LINGO2: variants seen among roughly 807,000 people sequenced by gnomAD.
LINGO2 encodes leucine-rich repeat and immunoglobulin-like domain-containing nogo receptor-interacting protein 2.
In LINGO2, 14 loss-of-function variants were observed where a neutral mutation model predicts 30.6. The ratio of observed to expected loss-of-function variants is 0.46; its 90% CI spans 0.30 to 0.72. The LOEUF (loss-of-function observed/expected upper bound fraction) is 0.72. Ranked by LOEUF, LINGO2 falls within the 30% of genes least tolerant of loss-of-function variation. The pLI, the probability that LINGO2 is intolerant of heterozygous loss-of-function variation, is 0.07. For missense variants in LINGO2, 729 were observed against 751.7 expected (o/e 0.97, Z 0.35); for synonymous variants, 317 against 288.5 (o/e 1.10, Z -1.00).
At chr9:28,299,216 G>C (rs1278358835) in intron 3 of LINGO2, among the ~76,000 whole-genome samples, 1 of 152,130 alleles carries the variant, frequency 6.6e-6, no homozygotes, top group Non-Finnish European at 1.5e-5. Flanking sequence ...CAATGCATTT[G>C]TTAAATGATT....
chr9:28,977,360 A>G, the LINGO2 span, among the ~76,000 whole-genome samples: 682 of 152,206 alleles, frequency 4.5e-3, 2 homozygotes, highest in Non-Finnish European at 7.1e-3. Flanking sequence ...TAGGCTTCAG[A>G]AGTTATTGCT....
At chr9:28,745,558 T>A in the LINGO2 span, among the ~76,000 whole-genome samples, 1 of 152,226 alleles carries the variant, frequency 6.6e-6, no homozygotes, top group East Asian at 1.9e-4. Flanking sequence ...AGTGGGTTTT[T>A]AAAAATTATT....
chr9:28,710,137 G>C, the LINGO2 span, among the ~76,000 whole-genome samples: 2 of 151,456 alleles, frequency 1.3e-5, no homozygotes, highest in Non-Finnish European at 2.9e-5. Context: ...ATTGGGAGCT[G>C]ATTGGGTCAA....
chr9:28,727,994 T>C, the LINGO2 span, among the ~76,000 whole-genome samples: 9 of 152,086 alleles, frequency 5.9e-5, no homozygotes, highest in Non-Finnish European at 1.2e-4. Context: ...ACAGAGAGGA[T>C]CAGTAAAGAG....
At chr9:28,270,885 C>A (rs1047403143) in intron 4 of LINGO2, among the ~76,000 whole-genome samples, 1 of 152,088 alleles carries the variant, frequency 6.6e-6, no homozygotes, top group Non-Finnish European at 1.5e-5. Context: ...ACTTGAGATT[C>A]AGAGAGACTA....
At chr9:29,207,246 T>C in the LINGO2 span, among the ~76,000 whole-genome samples, 1 of 152,062 alleles carries the variant, frequency 6.6e-6, no homozygotes, top group African/African-American at 2.4e-5. Context: ...AAAGGCACTT[T>C]CCTTTTGAAA....
chr9:28,990,268 A>T, the LINGO2 span, among the ~76,000 whole-genome samples: 1 of 152,196 alleles, frequency 6.6e-6, no homozygotes, highest in South Asian at 2.1e-4. Flanking sequence ...CAGCAGTCTG[A>T]GATCAAACTG....
intron 4 of LINGO2, among the ~76,000 whole-genome samples, chr9:28,044,489 C>T (rs567252639): frequency 6.6e-6 from 1 of 152,236 alleles, no homozygotes; most frequent in East Asian, 1.9e-4. Context: ...AACCTGAAAG[C>T]CAGGTTTCTG....
At chr9:28,522,808 A>G (rs919940431) in intron 1 of LINGO2, among the ~76,000 whole-genome samples, 2 of 152,066 alleles carry the variant, frequency 1.3e-5, no homozygotes, top group Non-Finnish European at 2.9e-5. Flanking sequence ...CATAGAACCT[A>G]TGAAGGAAAA....
At chr9:28,022,111 T>G (rs192837617) in intron 4 of LINGO2, among the ~76,000 whole-genome samples, 42 of 152,194 alleles carry the variant, frequency 2.8e-4, no homozygotes, top group Admixed American at 8.5e-4. Flanking sequence ...TTTTGGAATA[T>G]CAGTTATACC....
chr9:29,109,467 C>T, the LINGO2 span, among the ~76,000 whole-genome samples: 1 of 152,024 alleles, frequency 6.6e-6, no homozygotes, highest in Admixed American at 6.6e-5. Context: ...TAGATCCATG[C>T]AATTTGGGGA....
At position 28,532,437 on chromosome 9, in the gene LINGO2, C is replaced by T. The variant is rs919369685; in HGVS notation, c.-364-56412G>A. On this transcript the variant is annotated intron_variant, in intron 1 of 5. Coordinates refer to ENST00000379992, the Ensembl canonical transcript of LINGO2. ...TGTCCTCAGATTTTTCTTTCTAAAC[C>T]GACTTTTTTTTTTCCAGAAAAAGAA... 1.3e-4 allele frequency among the ~76,000 whole-genome samples: 19 copies of T among 151,622 alleles called. 1 individual carries two copies. The highest frequency in any genetic ancestry group is 3.9e-4 in the African/African-American group (16 of 41,222).
At chr9:28,809,320 T>C in the LINGO2 span, among the ~76,000 whole-genome samples, 56 of 152,194 alleles carry the variant, frequency 3.7e-4, no homozygotes, top group African/African-American at 1.3e-3. Flanking sequence ...ACTTTCTATT[T>C]CTACAAATCA....
intron 4 of LINGO2, among the ~76,000 whole-genome samples, chr9:28,185,208 A>G (rs533221746): frequency 6.6e-6 from 1 of 152,310 alleles, no homozygotes; most frequent in East Asian, 1.9e-4. Flanking sequence ...ACAGTCAATC[A>G]CAGTTCACCA....
rs141556927 is a variant in LINGO2, at chr9:28,357,239, T to C, written c.-246+15597A>G. Among the ~76,000 whole-genome samples the C allele has an allele frequency of 1.5e-3, 233 of 151,536 alleles. 1 individual carries two copies. The highest frequency in any genetic ancestry group is 5.4e-3 in the African/African-American group (222 of 41,344). Reference sequence around the variant, plus strand: ...TTCTATAGGCTTAAAATTAACCATCTGCCAAATGGAAACAGTTGGAAAATA... The same window carrying C: ...TTCTATAGGCTTAAAATTAACCATCCGCCAAATGGAAACAGTTGGAAAATA... On this transcript the variant is annotated intron_variant, in intron 3 of 5. Transcript: ENST00000379992.
chr9:28,555,790 T>A (rs1822638177), intron 1 of LINGO2, among the ~76,000 whole-genome samples: 1 of 152,044 alleles, frequency 6.6e-6, no homozygotes, highest in Admixed American at 6.6e-5. Flanking sequence ...ATCAAAAAGC[T>A]TATCCACCAT....
chr9:28,170,935 G>C (rs1382965362), intron 4 of LINGO2, among the ~76,000 whole-genome samples: 1 of 152,154 alleles, frequency 6.6e-6, no homozygotes, highest in East Asian at 1.9e-4. Flanking sequence ...AACATATTTA[G>C]AGGTTCTAAG....
the LINGO2 span, among the ~76,000 whole-genome samples, chr9:28,830,473 A>G: frequency 6.6e-6 from 1 of 152,166 alleles, no homozygotes; most frequent in African/African-American, 2.4e-5. Context: ...CAAAATGGAA[A>G]TGAACAAGAC....
At chr9:28,910,201 C>T in the LINGO2 span, among the ~76,000 whole-genome samples, 1 of 151,972 alleles carries the variant, frequency 6.6e-6, no homozygotes, top group African/African-American at 2.4e-5. Flanking sequence ...ACATTTATCT[C>T]TTTTCTTAAA....
Sources: allele counts gnomAD v4.1 joint callset (sites outside exome capture counted in the v4.1 genomes callset), GRCh38; gene constraint gnomAD v4.1.1; transcripts MANE v1.5; gene names NCBI Gene and HGNC (gene_info 2026-07-23, HGNC 2026-07-21).